Variants in ASPRV1 observed in about 807,000 individuals in gnomAD.
The protein encoded by ASPRV1 is retroviral-like aspartic protease 1.
In ASPRV1, 7 loss-of-function variants were observed where a neutral mutation model predicts 11.0. That is an observed-to-expected ratio of 0.64 (90% CI 0.36 to 1.20). ASPRV1 has a LOEUF of 1.20. Ranked by LOEUF, ASPRV1 falls within the 50% of genes most tolerant of loss-of-function variation. ASPRV1 has a pLI of 0.02. For synonymous variants in ASPRV1, 136 were observed against 138.4 expected, an observed-to-expected ratio of 0.98 and a Z score of 0.12; for missense variants, 299 against 320.0, an observed-to-expected ratio of 0.93 and a Z score of 0.50.
chr2:69,982,291 T>TG, the ASPRV1 span, among the ~76,000 whole-genome samples: 1 of 129,334 alleles, frequency 7.7e-6, no homozygotes, highest in Non-Finnish European at 1.7e-5. Flanking sequence ...TCATCCCTAC[T>TG]AAAAAAAAAA....
At chr2:70,055,569 G>A in the ASPRV1 span, 1 of 152,012 alleles carries the variant, frequency 6.6e-6, no homozygotes, top group South Asian at 2.1e-4. Flanking sequence ...ATAAGTGGGA[G>A]CTGAACATTG....
chr2:70,059,809 T>C, the ASPRV1 span: 4 of 152,232 alleles, frequency 2.6e-5, no homozygotes, highest in African/African-American at 7.2e-5. Context: ...AATCTAATGC[T>C]GCGCTGATCT....
At position 69,961,233 on chromosome 2, in the gene ASPRV1, C is replaced by G; in HGVS notation, c.204G>C (p.Arg68Ser). The G allele has an allele frequency of 1.2e-6, 2 of 1,614,058 alleles. No homozygotes were observed. Among genetic ancestry groups the G allele is most frequent in the Non-Finnish European group, 1.7e-6 (2 of 1,179,986 alleles). ...LRGEALGVYN[R>S]LSPQDQGDYG... ...AGTCTCCCTGGTCCTGGGGACTGAG[C>G]CTATTGTAGACACCCAGGGCCTCTC... The change falls in exon 1 of 1, where the codon AGG (arginine) becomes AGC (serine). Residue 68 changes from arginine (R) to serine (S), a missense_variant. By Grantham distance (110) the Arg-to-Ser change is moderately radical (BLOSUM62 -1). Coordinates refer to ENST00000320256, the MANE Select transcript of ASPRV1 (RefSeq NM_152792.4).
At chr2:69,938,215 G>A in the ASPRV1 span, 2 of 1,614,200 alleles carry the variant, frequency 1.2e-6, no homozygotes, top group Non-Finnish European at 1.7e-6. Context: ...GCAGTGATGA[G>A]GGCTATTCCA....
the ASPRV1 span, among the ~76,000 whole-genome samples, chr2:70,029,816 G>A: frequency 6.6e-6 from 1 of 152,108 alleles, no homozygotes; most frequent in East Asian, 1.9e-4. Flanking sequence ...CCTCCCTAGA[G>A]GAGGCTGAGG....
the ASPRV1 span, among the ~76,000 whole-genome samples, chr2:70,063,020 G>A: frequency 6.6e-6 from 1 of 152,088 alleles, no homozygotes; most frequent in Admixed American, 6.6e-5. Context: ...TCACCTCACA[G>A]AGACTAGATG....
chr2:70,085,809 G>A, the ASPRV1 span: 2 of 152,350 alleles, frequency 1.3e-5, no homozygotes, highest in East Asian at 1.9e-4. Flanking sequence ...CTATTAATAA[G>A]ATTCACCGGC....
At chr2:69,958,122 C>A (rs185078019), downstream of ASPRV1, among the ~76,000 whole-genome samples, 13 of 152,276 alleles carry the variant, frequency 8.5e-5, no homozygotes, top group East Asian at 2.5e-3. Flanking sequence ...TTGTTTGATA[C>A]CTGACTTCCC....
At chr2:70,072,722 AAAAATAAAATGAAAT>A in the ASPRV1 span, among the ~76,000 whole-genome samples, 3 of 151,904 alleles carry the variant, frequency 2.0e-5, no homozygotes. Context: ...ATTTCGTCTC[AAAAATAAAATGAAAT>A]AAAATAAAAT....
the ASPRV1 span, among the ~76,000 whole-genome samples, chr2:69,972,809 T>A: frequency 6.6e-6 from 1 of 152,172 alleles, no homozygotes; most frequent in South Asian, 2.1e-4. Flanking sequence ...AGAAGATGGC[T>A]TGCGTCCTGC....
the ASPRV1 span, among the ~76,000 whole-genome samples, chr2:70,042,304 G>A: frequency 7.2e-5 from 11 of 152,138 alleles, no homozygotes; most frequent in African/African-American, 9.7e-5. Context: ...TCTAATTAGC[G>A]CAAAGAGCAC....
chr2:70,086,733 C>A, the ASPRV1 span, among the ~76,000 whole-genome samples: 1 of 152,266 alleles, frequency 6.6e-6, no homozygotes, highest in Non-Finnish European at 1.5e-5. Context: ...GTTTCTGTGG[C>A]TTTAACCGAA....
chr2:70,081,116 T>C, the ASPRV1 span: 2 of 152,322 alleles, frequency 1.3e-5, no homozygotes, highest in African/African-American at 2.4e-5. Flanking sequence ...AACCAAGAAG[T>C]GATCTCCTAA....
the ASPRV1 span, among the ~76,000 whole-genome samples, chr2:70,079,360 C>T: frequency 1.3e-5 from 2 of 151,948 alleles, no homozygotes; most frequent in South Asian, 2.1e-4. Flanking sequence ...ACCTGTAGTA[C>T]TAGCCACTGA....
upstream of ASPRV1, among the ~76,000 whole-genome samples, chr2:69,966,002 G>A (rs1173461287): frequency 6.6e-6 from 1 of 152,150 alleles, no homozygotes; most frequent in African/African-American, 2.4e-5. Context: ...TCTAACCAAA[G>A]TGGCCCAGCG....
the ASPRV1 span, chr2:69,939,418 T>C: frequency 6.6e-6 from 1 of 152,658 alleles, no homozygotes; most frequent in Non-Finnish European, 1.5e-5. Context: ...TTTTTGGTTA[T>C]GATTTCTCCC....
At chr2:69,980,328 G>T in the ASPRV1 span, among the ~76,000 whole-genome samples, 2 of 152,330 alleles carry the variant, frequency 1.3e-5, no homozygotes, top group African/African-American at 4.8e-5. Flanking sequence ...AAACTCATTA[G>T]CAATGAATTA....
the ASPRV1 span, among the ~76,000 whole-genome samples, chr2:70,004,974 T>C: frequency 3.3e-5 from 5 of 152,180 alleles, no homozygotes; most frequent in African/African-American, 4.8e-5. Flanking sequence ...AAATAGCTGT[T>C]AAATGAATGC....
the ASPRV1 span, among the ~76,000 whole-genome samples, chr2:70,012,995 T>G: frequency 2.0e-5 from 3 of 152,250 alleles, no homozygotes; most frequent in Non-Finnish European, 2.9e-5. Flanking sequence ...TTTAAAATTT[T>G]GGAAAATGTG....
Sources: allele counts gnomAD v4.1 joint callset (sites outside exome capture counted in the v4.1 genomes callset), GRCh38; gene constraint gnomAD v4.1.1; transcripts MANE v1.5; gene names NCBI Gene and HGNC (gene_info 2026-07-23, HGNC 2026-07-21).